The following DIP2C variants were observed in gnomAD, a reference collection of about 807,000 sequenced individuals.
DIP2C encodes DIP2 acetate--CoA ligase C (putative).
DIP2C carries 33 observed loss-of-function variants against 192.4 expected under a neutral mutation model. The ratio of observed to expected loss-of-function variants is 0.17; its 90% CI spans 0.13 to 0.23. The LOEUF is 0.23. Ranked by LOEUF, DIP2C falls within the 10% of genes least tolerant of loss-of-function variation. The pLI is 1.00. For missense variants in DIP2C, 1,537 were observed against 2,110.1 expected (o/e 0.73, Z 5.32); for synonymous variants, 979 against 864.1 (o/e 1.13, Z -2.33).
chr10:354,391 A>C (rs928961876), intron 24 of DIP2C, among the ~76,000 whole-genome samples: 1 of 152,202 alleles, frequency 6.6e-6, no homozygotes, highest in Non-Finnish European at 1.5e-5. Context: ...ACCAGATGCC[A>C]AGCCCAGGAC....
chr10:466,975 C>T (rs545926997), intron 3 of DIP2C, among the ~76,000 whole-genome samples: 126 of 149,374 alleles, frequency 8.4e-4, no homozygotes, highest in African/African-American at 2.5e-3. Flanking sequence ...GTCAGTGTGG[C>T]GATTCCTCAG....
At chr10:535,972 C>T (rs1029173371) in intron 1 of DIP2C, among the ~76,000 whole-genome samples, 2 of 152,230 alleles carry the variant, frequency 1.3e-5, no homozygotes, top group Admixed American at 6.5e-5. Context: ...AGGCACACTT[C>T]GGGTGCAAAG....
rs1423744890 is a variant in DIP2C at position 387,815 on chromosome 10, C to G, written c.1598-6G>C. ...CACATTCACAATGGTTTCAGCTGCA[C>G]AACAGAGGGAGTCAGGAGATTTTTA... is the stretch of plus-strand genomic sequence containing the variant. On this transcript the variant is annotated splice_polypyrimidine_tract_variant and splice_region_variant and intron_variant, in intron 13 of 36. Transcript: ENST00000280886. 2 of 1,614,068 alleles carry G rather than the reference C, an allele frequency of 1.2e-6. No individual in the cohort carries two copies. The highest frequency in any genetic ancestry group is 1.3e-5 in the African/African-American group (1 of 74,914).
At chr10:385,959 A>G (rs913376941) in intron 14 of DIP2C, among the ~76,000 whole-genome samples, 4 of 152,162 alleles carry the variant, frequency 2.6e-5, no homozygotes, top group African/African-American at 9.7e-5. Context: ...CTGCCTGCTC[A>G]GAGACCTCGC....
chr10:412,340 A>G (rs1056363122), intron 8 of DIP2C, among the ~76,000 whole-genome samples: 4 of 152,188 alleles, frequency 2.6e-5, no homozygotes, highest in Non-Finnish European at 5.9e-5. Context: ...AATTCCCCGC[A>G]TGTAGGCGGG....
intron 31 of DIP2C, among the ~76,000 whole-genome samples, chr10:319,462 C>T (rs1956913304): frequency 6.6e-6 from 1 of 152,230 alleles, no homozygotes; most frequent in South Asian, 2.1e-4. Flanking sequence ...AAACAGAAGA[C>T]CTCATGTTTT....
chr10:422,743 T>C, intron 5 of DIP2C, 81 bp downstream of exon 5: 3 of 1,492,214 alleles, frequency 2.0e-6, no homozygotes, highest in Non-Finnish European at 2.7e-6. Flanking sequence ...GGGATTCCGC[T>C]GCAACGATGC....
chr10:607,598 G>A (rs1003849997), intron 1 of DIP2C, among the ~76,000 whole-genome samples: 1 of 152,144 alleles, frequency 6.6e-6, no homozygotes, highest in Admixed American at 6.5e-5. Flanking sequence ...AATAGAAAGT[G>A]CATTTGACAT....
chr10:359,826 G>C (rs576173152), intron 22 of DIP2C, among the ~76,000 whole-genome samples: 3 of 152,240 alleles, frequency 2.0e-5, no homozygotes, highest in African/African-American at 7.2e-5. Context: ...TGACTATGTT[G>C]CCCAGGCTGG....
At chr10:568,789 A>AAAACAAAC in intron 1 of DIP2C, among the ~76,000 whole-genome samples, 1 of 140,546 alleles carries the variant, frequency 7.1e-6, no homozygotes, top group Non-Finnish European at 1.5e-5. Context: ...AAAAAAAAAA[A>AAAACAAAC]AAAAAAAAAC....
At chr10:301,535 C>T (rs1956048013) in intron 32 of DIP2C, among the ~76,000 whole-genome samples, 1 of 151,956 alleles carries the variant, frequency 6.6e-6, no homozygotes, top group Non-Finnish European at 1.5e-5. Flanking sequence ...ACTGACACGG[C>T]AAAGTGAAAG....
At chr10:659,806 C>A (rs114160278) in intron 1 of DIP2C, among the ~76,000 whole-genome samples, 1 of 152,182 alleles carries the variant, frequency 6.6e-6, no homozygotes, top group African/African-American at 2.4e-5. Context: ...CTTGTAAAAG[C>A]GTTTCTGTCT....
intron 1 of DIP2C, among the ~76,000 whole-genome samples, chr10:491,503 C>T (rs182595121): frequency 6.6e-6 from 1 of 152,152 alleles, no homozygotes; most frequent in African/African-American, 2.4e-5. Flanking sequence ...CGCTGCAGAC[C>T]GGTGACAGCT....
chr10:320,913 GCAGC>G (rs1680215371), intron 31 of DIP2C, among the ~76,000 whole-genome samples: 2 of 152,364 alleles, frequency 1.3e-5, no homozygotes, highest in Admixed American at 1.3e-4. Context: ...AGAGAGCACC[GCAGC>G]TGACAGAGTT....
chr10:575,650 G>A (rs970433779), intron 1 of DIP2C, among the ~76,000 whole-genome samples: 2 of 152,164 alleles, frequency 1.3e-5, no homozygotes, highest in Admixed American at 6.5e-5. Flanking sequence ...ACATCCAAGA[G>A]CAGAAGGGAG....
chr10:671,148 T>C (rs544625908), intron 1 of DIP2C, among the ~76,000 whole-genome samples: 3 of 152,330 alleles, frequency 2.0e-5, no homozygotes, highest in South Asian at 2.1e-4. Flanking sequence ...TCCCTGTGTG[T>C]CACGCAAACC....
At chr10:563,291 G>T (rs1282495728) in intron 1 of DIP2C, among the ~76,000 whole-genome samples, 1 of 152,172 alleles carries the variant, frequency 6.6e-6, no homozygotes, top group Non-Finnish European at 1.5e-5. Flanking sequence ...TATTCATAAT[G>T]ACTGAAAGCA....
intron 1 of DIP2C, among the ~76,000 whole-genome samples, chr10:492,077 C>CCA (rs764186081): frequency 6.6e-6 from 1 of 152,208 alleles, no homozygotes; most frequent in South Asian, 2.1e-4. Context: ...CCCTGAGAAC[C>CCA]CAGTTGTTGC....
intron 1 of DIP2C, among the ~76,000 whole-genome samples, chr10:575,951 T>A (rs977676855): frequency 2.0e-5 from 3 of 152,212 alleles, no homozygotes; most frequent in Non-Finnish European, 2.9e-5. Context: ...TTTGTGTCTG[T>A]CACATCCCCC....
Sources: allele counts gnomAD v4.1 joint callset (sites outside exome capture counted in the v4.1 genomes callset), GRCh38; gene constraint gnomAD v4.1.1; transcripts MANE v1.5; gene names NCBI Gene and HGNC (gene_info 2026-07-23, HGNC 2026-07-21).